Variants in CSNK1D observed in about 807,000 individuals in gnomAD.
The protein encoded by CSNK1D is casein kinase 1 delta.
CSNK1D carries 16 observed loss-of-function variants against 46.6 expected under a neutral mutation model. The ratio of observed to expected loss-of-function variants is 0.34; its 90% confidence interval spans 0.23 to 0.52. CSNK1D has a LOEUF of 0.52. Ranked by LOEUF, CSNK1D falls within the 20% of genes least tolerant of loss-of-function variation. The pLI, the probability that CSNK1D is intolerant of heterozygous loss-of-function variation, is 0.95. For synonymous variants in CSNK1D, 276 were observed against 228.2 expected, an observed-to-expected ratio of 1.21 and a Z score of -1.89; for missense variants, 398 against 578.4, an observed-to-expected ratio of 0.69 and a Z score of 3.20.
downstream of CSNK1D, chr17:82,239,948 G>A: frequency 8.2e-7 from 1 of 1,216,610 alleles, no homozygotes; most frequent in Non-Finnish European, 1.0e-6. Flanking sequence ...TGCGTGGCTG[G>A]GAGCCCGGTC....
chr17:82,249,150 C>T lies in CSNK1D; in HGVS notation c.1058-136G>A. The T allele has an allele frequency of 1.8e-6, 2 of 1,107,778 alleles. No homozygotes were observed. Among genetic ancestry groups the T allele is most frequent in the Non-Finnish European group, 2.6e-6 (2 of 783,950 alleles). The allele number at this position is 1,107,778 out of a possible 1,614,324, so 68.6% of individuals were successfully genotyped here. A position where few individuals can be genotyped will look rare whatever the true frequency, so the allele number is the denominator to read the frequency against. On this transcript the variant is annotated intron_variant, in intron 7 of 8. Coordinates refer to ENST00000314028, the MANE Select transcript of CSNK1D (RefSeq NM_001893.6). This position sits in a 1 kb window ranked among gnomAD's most constrained non-coding sequence, Gnocchi z 6.7. The stretch of plus-strand genomic sequence containing the variant: ...GGACCTGGCTGTGGCCGATGGCCAC[C>T]AACACTCAGATCCGGCCGGAGGGAC...
intron 8 of CSNK1D, chr17:82,245,579 G>T: frequency 3.3e-6 from 1 of 306,146 alleles, no homozygotes; most frequent in Non-Finnish European, 6.4e-6. Flanking sequence ...ACCCAGCTGA[G>T]CAGGACACAG....
At position 82,265,541 on chromosome 17, in the gene CSNK1D, T is replaced by C. The variant is rs1599614669; in HGVS notation, c.187+145A>G. 7 of 711,810 alleles carry C rather than the reference T, an allele frequency of 9.8e-6. No homozygotes were observed. In the East Asian group the frequency reaches 1.9e-4, roughly 19 times the overall value. The allele number at this position is 711,810 out of a possible 1,614,324, so 44.1% of individuals were successfully genotyped here. On this transcript the variant is annotated intron_variant, in intron 2 of 8. Transcript: ENST00000314028. ...ACCCAAGACTCTCTGAAGGAAGCTGTGACTGCTTTGTCAGGGTGTGGAGAA... is the reference window on the plus strand; with the variant it reads ...ACCCAAGACTCTCTGAAGGAAGCTGCGACTGCTTTGTCAGGGTGTGGAGAA...
At position 82,242,758 on chromosome 17, in the gene CSNK1D, C is replaced by G; in HGVS notation, c.*2023G>C. The G allele has an allele frequency of 2.0e-6, 2 of 985,440 alleles. No individual in the cohort carries two copies. The highest frequency in any genetic ancestry group is 2.4e-6 in the Non-Finnish European group (2 of 829,944). The allele number at this position is 985,440 out of a possible 1,614,324, so 61.0% of individuals were successfully genotyped here. Reference sequence around the variant, plus strand: ...ACAAACGCACAGCTCGGAGACTGGCCGTCAGTGCACAGCTGACACGACGTC... The same window carrying G: ...ACAAACGCACAGCTCGGAGACTGGCGGTCAGTGCACAGCTGACACGACGTC... On this transcript the variant is annotated 3_prime_UTR_variant, in exon 9 of 9. Coordinates refer to ENST00000314028, the MANE Select transcript of CSNK1D (RefSeq NM_001893.6).
At chr17:82,246,172 C>G in intron 8 of CSNK1D, 2 of 1,540,728 alleles carry the variant, frequency 1.3e-6, no homozygotes, top group Non-Finnish European at 1.7e-6. Flanking sequence ...TGGGGGAGCC[C>G]AGGCACAGAG....
At chr17:82,266,531 TTTTATC>T (rs1221335767) in intron 1 of CSNK1D, among the ~76,000 whole-genome samples, 1 of 152,180 alleles carries the variant, frequency 6.6e-6, no homozygotes, top group African/African-American at 2.4e-5. Flanking sequence ...AAATTACACT[TTTTATC>T]TAGAAATGTT....
At position 82,273,471 on chromosome 17, in the gene CSNK1D, G is replaced by A. The variant is rs2051694851; in HGVS notation, c.-90C>T. The A allele has an allele frequency of 2.0e-6, 3 of 1,508,550 alleles. No homozygotes were observed. The highest frequency in any genetic ancestry group is 2.7e-6 in the Non-Finnish European group (3 of 1,106,432). 93.4% of individuals were successfully genotyped at this position (1,508,550 alleles called of 1,614,324 possible). A position where few individuals can be genotyped will look rare whatever the true frequency, so the allele number is the denominator to read the frequency against. On this transcript the variant is annotated 5_prime_UTR_variant, in exon 1 of 9. Coordinates refer to ENST00000314028, the MANE Select transcript of CSNK1D (RefSeq NM_001893.6). The surrounding 1 kb of genome is among the most constrained non-coding windows in gnomAD (Gnocchi z 5.1). ...GGCGCCGCTGCTGCCGCTACTGCGG[G>A]TCCGGCTCCCGGCTCCGCCCCCCTC...
In CSNK1D at chr17:82,248,319, G is replaced by A; in HGVS notation, c.1197+556C>T. ...GCTGCAGGATGCTGAAGAGGCGGTG[G>A]CCGTGGCTAGGCCTGGGCTGCGCAA... On this transcript the variant is annotated intron_variant, in intron 8 of 8. Transcript: ENST00000314028. The surrounding 1 kb of genome is among the most constrained non-coding windows in gnomAD (Gnocchi z 4.1). 1.0e-6 allele frequency: 1 copy of A among 989,932 alleles called. No homozygotes were observed. Among genetic ancestry groups the A allele is most frequent in the Non-Finnish European group, 1.2e-6 (1 of 832,444 alleles). The allele number at this position is 989,932 out of a possible 1,614,324, so 61.3% of individuals were successfully genotyped here.
chr17:82,256,581 G>A (rs138830610), intron 2 of CSNK1D, among the ~76,000 whole-genome samples: 83 of 151,852 alleles, frequency 5.5e-4, no homozygotes, highest in African/African-American at 1.8e-3. Flanking sequence ...AAGACGTTAC[G>A]TATGAAAAGT....
chr17:82,269,624 C>T (rs904022493), intron 1 of CSNK1D, among the ~76,000 whole-genome samples: 2 of 152,228 alleles, frequency 1.3e-5, no homozygotes, highest in Non-Finnish European at 2.9e-5. Context: ...GCTGATGGTG[C>T]GATGGGATCA....
chr17:82,258,105 G>A (rs999709836), intron 2 of CSNK1D, among the ~76,000 whole-genome samples: 9 of 151,278 alleles, frequency 5.9e-5, no homozygotes, highest in Non-Finnish European at 8.8e-5. Context: ...TACTCGGGAG[G>A]CTAAGGTGGG....
rs1176427709 is a variant in CSNK1D at position 82,243,573 on chromosome 17, G to A, written c.*1208C>T. On this transcript the variant is annotated 3_prime_UTR_variant, in exon 9 of 9. Transcript: ENST00000314028. ...GACACGCGCCCAACAGAAGGTCACA[G>A]CGCAGACTCTACTTTCTGGCCGTGA... 1 of 985,378 alleles carries A rather than the reference G, an allele frequency of 1.0e-6. No individual in the cohort carries two copies. The highest frequency in any genetic ancestry group is 1.2e-6 in the Non-Finnish European group (1 of 829,972). The allele number at this position is 985,378 out of a possible 1,614,324, so 61.0% of individuals were successfully genotyped here.
Position 82,252,641 on chromosome 17 carries a change from T to C in CSNK1D, c.566-37A>G. On this transcript the variant is annotated intron_variant, in intron 4 of 8. Transcript: ENST00000314028. This position sits in a 1 kb window ranked among gnomAD's most constrained non-coding sequence, Gnocchi z 4.6. ...AGGGAAAGGCGTGAAGAACGGCACT[T>C]GCGTGCTCACGTCAAAGCAAAAGAC... 2 of 1,603,400 alleles carry C rather than the reference T, an allele frequency of 1.2e-6. No individual in the cohort carries two copies. The highest frequency in any genetic ancestry group is 1.7e-6 in the Non-Finnish European group (2 of 1,176,150).
At chr17:82,268,302 G>A (rs2051531493) in intron 1 of CSNK1D, among the ~76,000 whole-genome samples, 1 of 152,188 alleles carries the variant, frequency 6.6e-6, no homozygotes, top group South Asian at 2.1e-4. Context: ...CTGGCCTGCA[G>A]CCCTGTCCCA....
Position 82,249,921 on chromosome 17 carries a change from C to CT in CSNK1D, c.886-320dup, listed in dbSNP as rs2050956983. On this transcript the variant is annotated intron_variant, in intron 6 of 8. Transcript: ENST00000314028. The surrounding 1 kb of genome is among the most constrained non-coding windows in gnomAD (Gnocchi z 6.7). Reference sequence around the variant, plus strand: ...CCCTGCTGCTCTGTGAACATGCTCACTAACACGTGCAGAAAGAGGAGAGGG... The same window carrying CT: ...CCCTGCTGCTCTGTGAACATGCTCACTTAACACGTGCAGAAAGAGGAGAGGG... 3.8e-6 allele frequency: 5 copies of CT among 1,318,248 alleles called. No individual in the cohort carries two copies. Among genetic ancestry groups the CT allele is most frequent in the Non-Finnish European group, 4.9e-6 (5 of 1,024,452 alleles). The allele number at this position is 1,318,248 out of a possible 1,614,324, so 81.7% of individuals were successfully genotyped here.
intron 8 of CSNK1D, chr17:82,245,646 C>A: frequency 2.6e-6 from 1 of 380,564 alleles, no homozygotes; most frequent in Non-Finnish European, 5.0e-6. Context: ...TCGGGGCACC[C>A]GCCTTGCCAC....
chr17:82,255,078 A>G lies in CSNK1D; in HGVS notation c.336+351T>C. The G allele has an allele frequency of 8.0e-6, 3 of 373,036 alleles. No individual in the cohort carries two copies. The highest frequency in any genetic ancestry group is 2.1e-5 in the South Asian group (1 of 47,130). 23.1% of individuals were successfully genotyped at this position (373,036 alleles called of 1,614,324 possible). On this transcript the variant is annotated intron_variant, in intron 3 of 8. Coordinates refer to ENST00000314028, the MANE Select transcript of CSNK1D (RefSeq NM_001893.6). The surrounding 1 kb of genome is among the most constrained non-coding windows in gnomAD (Gnocchi z 5.9). ...GAGCTGAGCCGCCGGAGCCTCGAGA[A>G]GCCAGTGAGCTGGGCCGCCGGAGCC... is the stretch of plus-strand genomic sequence containing the variant.
At chr17:82,247,579 C>T in intron 8 of CSNK1D, 1 of 985,464 alleles carries the variant, frequency 1.0e-6, no homozygotes, top group African/African-American at 1.7e-5. Context: ...GCTACAGAGC[C>T]AGCCGCACAT....
In CSNK1D at chr17:82,249,240, C is replaced by T; in HGVS notation, c.1057+191G>A. ...GAGGAACGTGAGATGCGGGAGGAAT[C>T]ACGCACACCAGCAGGTGCCGGCATT... is the stretch of plus-strand genomic sequence containing the variant. On this transcript the variant is annotated intron_variant, in intron 7 of 8. Transcript: ENST00000314028. The surrounding 1 kb of genome is among the most constrained non-coding windows in gnomAD (Gnocchi z 6.7). The T allele has an allele frequency of 1.3e-6, 1 of 761,312 alleles. No individual in the cohort carries two copies. The highest frequency in any genetic ancestry group is 2.1e-6 in the Non-Finnish European group (1 of 480,440). 47.2% of individuals were successfully genotyped at this position (761,312 alleles called of 1,614,324 possible).
Sources: gnomAD v4.1 joint callset for allele counts (sites outside exome capture counted in the v4.1 genomes callset) on GRCh38, gnomAD v4.1.1 for gene constraint, Gnocchi (gnomAD v3.1) non-coding constraint, MANE v1.5 for transcripts, NCBI Gene and HGNC (gene_info 2026-07-23, HGNC 2026-07-21) for gene names.